Variants in RFPL1 observed in about 807,000 individuals in gnomAD.
RFPL1 encodes the protein ret finger protein like 1, also known as ret finger protein-like 1.
A neutral mutation model predicts 9.6 loss-of-function variants in RFPL1; 6 were observed. The observed-to-expected ratio is 0.62, with a 90% CI of 0.34 to 1.23. The LOEUF is 1.23. Ranked by LOEUF, RFPL1 falls within the 50% of genes most tolerant of loss-of-function variation. The pLI is 0.03. For synonymous variants in RFPL1, 145 were observed against 149.4 expected (o/e 0.97, Z 0.22); for missense variants, 352 against 398.4 (o/e 0.88, Z 0.99).
At chr22:29,420,698 C>T in the RFPL1 span, among the ~76,000 whole-genome samples, 13 of 126,680 alleles carry the variant, frequency 1.0e-4, no homozygotes, top group Non-Finnish European at 1.9e-4. Flanking sequence ...TGGAGTGCAA[C>T]GGTGCGATCT....
chr22:29,426,097 C>T, the RFPL1 span, among the ~76,000 whole-genome samples: 2,766 of 151,748 alleles, frequency 0.018, 62 homozygotes, highest in African/African-American at 0.063. Context: ...CCAAGGCGGG[C>T]GGATCGCCTG....
chr22:29,394,961 T>C, the RFPL1 span, among the ~76,000 whole-genome samples: 1 of 152,026 alleles, frequency 6.6e-6, no homozygotes, highest in Non-Finnish European at 1.5e-5. Flanking sequence ...AGGTTGAGAG[T>C]TCGTGCGGTC....
the RFPL1 span, among the ~76,000 whole-genome samples, chr22:29,401,733 G>C: frequency 3.3e-5 from 5 of 152,212 alleles, no homozygotes; most frequent in Non-Finnish European, 7.3e-5. Context: ...ACTGCGCAGA[G>C]TGACGTCACT....
the RFPL1 span, chr22:29,419,220 CTTG>C: frequency 6.4e-7 from 1 of 1,568,214 alleles, no homozygotes; most frequent in Non-Finnish European, 8.8e-7. Flanking sequence ...TCTTCTCCTT[CTTG>C]TCACTGTTGA....
the RFPL1 span, among the ~76,000 whole-genome samples, chr22:29,396,020 AAAGAG>A: frequency 0.01 from 1,579 of 151,930 alleles, 20 homozygotes; most frequent in African/African-American, 0.032. Context: ...AAGAGAAAGA[AAAGAG>A]AAGAGAAGAG....
the RFPL1 span, among the ~76,000 whole-genome samples, chr22:29,415,705 A>C: frequency 2.6e-5 from 4 of 152,372 alleles, no homozygotes; most frequent in South Asian, 8.3e-4. Flanking sequence ...GAACAGAACT[A>C]AGCTCCCCGA....
chr22:29,438,240 T>G (rs1251854403), upstream of RFPL1: 1 of 145,036 alleles, frequency 6.9e-6, no homozygotes, highest in African/African-American at 2.7e-5. Flanking sequence ...CGGAGTGCAA[T>G]GGCTGGATCT....
chr22:29,421,758 G>T, the RFPL1 span, among the ~76,000 whole-genome samples: 1 of 149,724 alleles, frequency 6.7e-6, no homozygotes, highest in Non-Finnish European at 1.5e-5. Context: ...ATCCCCCATC[G>T]ATCTGGCCAG....
the RFPL1 span, among the ~76,000 whole-genome samples, chr22:29,394,646 C>A: frequency 6.6e-6 from 1 of 152,206 alleles, no homozygotes; most frequent in Non-Finnish European, 1.5e-5. Context: ...CGGGCCTGGC[C>A]AGTTCTTTGG....
At chr22:29,411,874 A>T in the RFPL1 span, among the ~76,000 whole-genome samples, 5,303 of 152,140 alleles carry the variant, frequency 0.035, 115 homozygotes, top group Non-Finnish European at 0.054. Context: ...CTATTTTCTT[A>T]TGTTTAGTAT....
At chr22:29,441,886 C>A (rs752820179) in exon 2 of RFPL1, 1 of 1,613,210 alleles carries the variant, frequency 6.2e-7, no homozygotes, top group South Asian at 1.1e-5. Flanking sequence ...CTTCGTAGAC[C>A]GCAAGTTACA....
At chr22:29,427,204 A>G in the RFPL1 span, among the ~76,000 whole-genome samples, 6 of 152,258 alleles carry the variant, frequency 3.9e-5, no homozygotes, top group African/African-American at 1.4e-4. Context: ...GACAGTGCCC[A>G]GGACTGATGA....
the RFPL1 span, among the ~76,000 whole-genome samples, chr22:29,415,075 A>C: frequency 6.6e-6 from 1 of 152,082 alleles, no homozygotes; most frequent in Admixed American, 6.5e-5. Flanking sequence ...ACCAAAACCA[A>C]AACCAAAGTG....
intron 1 of RFPL1, 25 bp downstream of exon 1, chr22:29,439,189 C>T: frequency 6.2e-7 from 1 of 1,601,990 alleles, no homozygotes; most frequent in Admixed American, 1.7e-5. Flanking sequence ...TACACTGCCC[C>T]CTTCCTACGA....
At chr22:29,396,141 A>G in the RFPL1 span, among the ~76,000 whole-genome samples, 1 of 152,172 alleles carries the variant, frequency 6.6e-6, no homozygotes, top group Non-Finnish European at 1.5e-5. Context: ...CAGCTATGGG[A>G]CTTCAGTTTC....
the RFPL1 span, among the ~76,000 whole-genome samples, chr22:29,429,248 G>T: frequency 3.9e-5 from 6 of 152,114 alleles, no homozygotes; most frequent in East Asian, 1.2e-3. Context: ...AGAGACGAGG[G>T]TCTTACTATG....
the RFPL1 span, among the ~76,000 whole-genome samples, chr22:29,398,704 C>T: frequency 2.0e-5 from 3 of 152,152 alleles, no homozygotes; most frequent in East Asian, 1.9e-4. Context: ...AAGAACACAC[C>T]GTAGTCATCA....
At chr22:29,427,736 G>T in the RFPL1 span, among the ~76,000 whole-genome samples, 1 of 152,160 alleles carries the variant, frequency 6.6e-6, no homozygotes, top group East Asian at 1.9e-4. Context: ...GGGGGTGAAG[G>T]GTGGAGGCCA....
chr22:29,408,139 T>C, the RFPL1 span, among the ~76,000 whole-genome samples: 2 of 152,188 alleles, frequency 1.3e-5, no homozygotes, highest in African/African-American at 4.8e-5. Context: ...GCAGGATATG[T>C]AGATCCACAG....
Sources: gnomAD v4.1 joint callset for allele counts (sites outside exome capture counted in the v4.1 genomes callset) on GRCh38, gnomAD v4.1.1 for gene constraint, MANE v1.5 for transcripts, NCBI Gene and HGNC (gene_info 2026-07-23, HGNC 2026-07-21) for gene names.